Variants in CNTNAP2 observed in about 807,000 individuals in gnomAD.
CNTNAP2 encodes contactin-associated protein-like 2.
Under a neutral mutation model 155.2 loss-of-function variants are expected in CNTNAP2, and 98 were observed. That is an observed-to-expected ratio of 0.63 (90% CI 0.54 to 0.75). CNTNAP2 has a LOEUF of 0.75. Ranked by LOEUF, CNTNAP2 falls within the 30% of genes least tolerant of loss-of-function variation. The probability of loss-of-function intolerance (pLI) is 0.00; values close to 1 mark genes in which losing one functional copy is unlikely to be tolerated. For missense variants in CNTNAP2, 1,727 were observed against 1,688.1 expected (o/e 1.02, Z -0.40); for synonymous variants, 651 against 631.2 (o/e 1.03, Z -0.47).
chr7:148,244,417 T>C (rs761326939), intron 20 of CNTNAP2, among the ~76,000 whole-genome samples: 3 of 152,198 alleles, frequency 2.0e-5, no homozygotes, highest in Non-Finnish European at 4.4e-5. Flanking sequence ...TCTTTAGTTG[T>C]AGTTGTAAGG....
chr7:148,345,069 C>T (rs574159742), intron 21 of CNTNAP2, among the ~76,000 whole-genome samples: 16 of 152,220 alleles, frequency 1.1e-4, no homozygotes, highest in African/African-American at 3.9e-4. Context: ...ATTACCAAGC[C>T]CGAGTGTGGC....
chr7:146,489,288 A>G (rs961401422), intron 1 of CNTNAP2, among the ~76,000 whole-genome samples: 1 of 152,178 alleles, frequency 6.6e-6, no homozygotes, highest in Admixed American at 6.5e-5. Context: ...CTTTGATTAT[A>G]TTAAAAGATT....
intron 17 of CNTNAP2, among the ~76,000 whole-genome samples, chr7:148,169,810 A>C (rs1805742893): frequency 6.6e-6 from 1 of 152,142 alleles, no homozygotes; most frequent in South Asian, 2.1e-4. Context: ...AAATACAAAA[A>C]TTAGCTGGGT....
intron 14 of CNTNAP2, among the ~76,000 whole-genome samples, chr7:147,961,742 G>A (rs1414767862): frequency 5.9e-5 from 9 of 151,980 alleles, no homozygotes; most frequent in Non-Finnish European, 1.2e-4. Flanking sequence ...TTCATCACTG[G>A]CATTACAATT....
At chr7:148,041,653 T>A (rs1428012664) in intron 15 of CNTNAP2, among the ~76,000 whole-genome samples, 1 of 152,224 alleles carries the variant, frequency 6.6e-6, no homozygotes, top group Non-Finnish European at 1.5e-5. Flanking sequence ...AATGCATAAC[T>A]AAATTTTGAT....
intron 3 of CNTNAP2, among the ~76,000 whole-genome samples, chr7:146,999,500 T>C (rs939235103): frequency 1.1e-4 from 17 of 152,082 alleles, no homozygotes; most frequent in African/African-American, 3.9e-4. Flanking sequence ...TTTTGTACTT[T>C]CAGTGATTTT....
chr7:147,310,819 T>C (rs1525210), intron 9 of CNTNAP2, among the ~76,000 whole-genome samples: 74,649 of 152,006 alleles, frequency 0.49, 19,514 homozygotes, highest in East Asian at 0.73. Context: ...CACTGCAATA[T>C]AATTTTGCAG....
At chr7:146,916,959 T>C (rs973754738) in intron 3 of CNTNAP2, among the ~76,000 whole-genome samples, 1 of 152,214 alleles carries the variant, frequency 6.6e-6, no homozygotes, top group Non-Finnish European at 1.5e-5. Context: ...CATATAATGC[T>C]ATGAATTTCC....
intron 12 of CNTNAP2, among the ~76,000 whole-genome samples, chr7:147,620,013 AGAAAG>A (rs1325869310): frequency 4.6e-5 from 7 of 152,230 alleles, no homozygotes; most frequent in South Asian, 2.1e-4. Context: ...GGGAGGAAGA[AGAAAG>A]AGAACAAGAG....
At chr7:147,322,227 T>C (rs1795365870) in intron 9 of CNTNAP2, among the ~76,000 whole-genome samples, 1 of 152,292 alleles carries the variant, frequency 6.6e-6, no homozygotes, top group South Asian at 2.1e-4. Flanking sequence ...CTGGAACATA[T>C]TAATGTGGCC....
At chr7:147,058,324 T>G (rs1584809962) in intron 4 of CNTNAP2, among the ~76,000 whole-genome samples, 1 of 152,196 alleles carries the variant, frequency 6.6e-6, no homozygotes. Context: ...CAATATAAAT[T>G]TGTAGTCTGT....
In CNTNAP2 at chr7:147,131,092, A is replaced by G. The variant is rs557171450; in HGVS notation, c.1084-1153A>G. Among the ~76,000 whole-genome samples, 53 of 148,026 alleles carry G rather than the reference A, an allele frequency of 3.6e-4. 1 individual carries two copies. Among genetic ancestry groups the G allele is most frequent in the Non-Finnish European group, 4.6e-4 (31 of 66,988 alleles). ...TGTGTATATATATGTATATATGTGTATATATACACACACATATATATACCA... is the reference window on the plus strand; with the variant it reads ...TGTGTATATATATGTATATATGTGTGTATATACACACACATATATATACCA... On this transcript the variant is annotated intron_variant, in intron 7 of 23. Coordinates refer to ENST00000361727, the MANE Select transcript of CNTNAP2 (RefSeq NM_014141.6).
intron 14 of CNTNAP2, among the ~76,000 whole-genome samples, chr7:147,913,216 G>C (rs180698931): frequency 1.3e-5 from 2 of 152,300 alleles, no homozygotes; most frequent in East Asian, 3.9e-4. Flanking sequence ...GGGGAGGAAG[G>C]AGCATCTCTC....
At chr7:147,686,067 AT>A (rs1796013547) in intron 13 of CNTNAP2, among the ~76,000 whole-genome samples, 2 of 152,066 alleles carry the variant, frequency 1.3e-5, no homozygotes, top group Non-Finnish European at 1.5e-5. Flanking sequence ...CTTAAAAAAA[AT>A]AATAAGCTAA....
intron 3 of CNTNAP2, among the ~76,000 whole-genome samples, chr7:146,884,269 T>C (rs1795611790): frequency 6.6e-6 from 1 of 152,124 alleles, no homozygotes; most frequent in Non-Finnish European, 1.5e-5. Context: ...AAAATTTGCA[T>C]ATAAGTGGAC....
intron 3 of CNTNAP2, among the ~76,000 whole-genome samples, chr7:146,840,898 A>C (rs1174025427): frequency 6.6e-6 from 1 of 152,254 alleles, no homozygotes; most frequent in Non-Finnish European, 1.5e-5. Flanking sequence ...GTAGAACTTT[A>C]GAAATAACTC....
chr7:146,744,565 A>G (rs1801778183), intron 1 of CNTNAP2, among the ~76,000 whole-genome samples: 2 of 152,180 alleles, frequency 1.3e-5, no homozygotes, highest in South Asian at 2.1e-4. Context: ...GCTTCTCTCA[A>G]TGTCTGCATT....
In CNTNAP2 at chr7:147,125,426, A is replaced by C. The variant is rs542798215; in HGVS notation, c.940-3267A>C. ...ACCACCTGCAATGAGGCTGCTAGCT[A>C]CAGGGTGGCTTGAGACTGTGTGGTG... On this transcript the variant is annotated intron_variant, in intron 6 of 23. Coordinates refer to ENST00000361727, the MANE Select transcript of CNTNAP2 (RefSeq NM_014141.6). 2.0e-5 allele frequency among the ~76,000 whole-genome samples: 3 copies of C among 152,270 alleles called. No homozygotes were observed. The South Asian group carries it at 6.2e-4, about 32-fold the overall frequency.
At chr7:146,709,410 A>G (rs1379978342) in intron 1 of CNTNAP2, among the ~76,000 whole-genome samples, 2 of 152,172 alleles carry the variant, frequency 1.3e-5, no homozygotes, top group African/African-American at 2.4e-5. Context: ...CATATGTAAC[A>G]TTGTGTTGAT....
Sources: allele counts gnomAD v4.1 joint callset (sites outside exome capture counted in the v4.1 genomes callset), GRCh38; gene constraint gnomAD v4.1.1; transcripts MANE v1.5; gene names NCBI Gene and HGNC (gene_info 2026-07-23, HGNC 2026-07-21).